MRPL3: variants seen among roughly 807,000 people sequenced by gnomAD.
The protein encoded by MRPL3 is mitochondrial ribosomal protein L3.
Under a neutral mutation model 44.3 loss-of-function variants are expected in MRPL3, and 43 were observed. That is an observed-to-expected ratio of 0.97 (90% CI 0.76 to 1.25). The LOEUF (loss-of-function observed/expected upper bound fraction) is 1.25, where lower values mean the gene tolerates loss of function less well. Among genes scored for constraint, MRPL3 ranks in the 50% most tolerant of loss-of-function variants. MRPL3 has a pLI of 0.00. For missense variants in MRPL3, 406 were observed against 427.6 expected (o/e 0.95, Z 0.45); for synonymous variants, 171 against 152.3 (o/e 1.12, Z -0.91).
intron 6 of MRPL3, among the ~76,000 whole-genome samples, chr3:131,486,891 G>A (rs1290206447): frequency 1.3e-5 from 2 of 152,184 alleles, no homozygotes; most frequent in African/African-American, 4.8e-5. Flanking sequence ...GGAAGACAGT[G>A]TGGCGATTCC....
rs955484931 is a variant in MRPL3 at position 131,479,320 on chromosome 3, G to A, written c.630-8041C>T. 1.3e-5 allele frequency: 4 copies of A among 304,850 alleles called. 1 individual carries two copies. Among genetic ancestry groups the A allele is most frequent in the South Asian group, 1.2e-4 (4 of 32,114 alleles). 18.9% of individuals were successfully genotyped at this position (304,850 alleles called of 1,614,324 possible). A position where few individuals can be genotyped will look rare whatever the true frequency, so the allele number is the denominator to read the frequency against. On this transcript the variant is annotated intron_variant, in intron 6 of 9. Transcript: ENST00000264995. ...TATCACTCAAAAAACCAGTAACTGT[G>A]TACCAAATGGAGAAAGGACACTTGA...
chr3:131,484,423 C>A (rs1378894408), intron 6 of MRPL3, among the ~76,000 whole-genome samples: 1 of 152,144 alleles, frequency 6.6e-6, no homozygotes, highest in Non-Finnish European at 1.5e-5. Flanking sequence ...ACCCACTGCT[C>A]CAGCCTATAA....
intron 6 of MRPL3, among the ~76,000 whole-genome samples, chr3:131,478,008 G>A (rs1342953233): frequency 6.6e-6 from 1 of 152,062 alleles, no homozygotes; most frequent in Non-Finnish European, 1.5e-5. Flanking sequence ...GCCTGTGCTG[G>A]CCGTATGTTT....
chr3:131,472,508 A>G (rs982890265), intron 6 of MRPL3, among the ~76,000 whole-genome samples: 2 of 152,230 alleles, frequency 1.3e-5, no homozygotes, highest in African/African-American at 4.8e-5. Flanking sequence ...TTATGCTTTC[A>G]GCTATTCCCC....
chr3:131,484,488 A>G (rs1463947129), intron 6 of MRPL3, among the ~76,000 whole-genome samples: 1 of 152,166 alleles, frequency 6.6e-6, no homozygotes, highest in Non-Finnish European at 1.5e-5. Flanking sequence ...TTGTTCCCCT[A>G]GTGTTCACCC....
intron 6 of MRPL3, among the ~76,000 whole-genome samples, chr3:131,472,472 G>A (rs999796148): frequency 2.6e-5 from 4 of 152,058 alleles, no homozygotes; most frequent in Non-Finnish European, 5.9e-5. Context: ...AAACAACAAA[G>A]GCCATATATG....
rs1212785510 is a variant in MRPL3, at chr3:131,490,051, C to T, written c.498G>A (p.Arg166=). 1 of 1,610,760 alleles carries T rather than the reference C, an allele frequency of 6.2e-7. No individual in the cohort carries two copies. The highest frequency in any genetic ancestry group is 8.5e-7 in the Non-Finnish European group (1 of 1,177,472). ...RKATSILEFY[R]ELGLPPKQTV... ...TCTGTTTCGGCGGCAATCCAAGTTC[C>T]CGGTAAAATTCCAATATGGATGTAG... is the stretch of plus-strand genomic sequence containing the variant. The change falls in exon 5 of 10, where the codon CGG becomes CGA. Residue 166 remains arginine (R), a synonymous_variant. Transcript: ENST00000264995.
chr3:131,470,103 A>G (rs924414450), intron 7 of MRPL3, among the ~76,000 whole-genome samples: 3 of 152,114 alleles, frequency 2.0e-5, no homozygotes, highest in Non-Finnish European at 4.4e-5. Flanking sequence ...AAGAAAAAAA[A>G]TGGACTGCCA....
intron 8 of MRPL3, among the ~76,000 whole-genome samples, chr3:131,469,442 T>A (rs1933692556): frequency 6.6e-6 from 1 of 151,486 alleles, no homozygotes; most frequent in South Asian, 2.1e-4. Context: ...GGTCCAAGAG[T>A]GGACTACTAA....
chr3:131,462,563 T>C lies in MRPL3; in HGVS notation c.*160A>G. ...TAATGTGGTAATTTTTCTAACAAAA[T>C]TTAATGGGGGTATGAATGATATATT... On this transcript the variant is annotated 3_prime_UTR_variant, in exon 10 of 10. Coordinates refer to ENST00000264995, the MANE Select transcript of MRPL3 (RefSeq NM_007208.4). The C allele has an allele frequency of 3.6e-6, 2 of 553,936 alleles. No homozygotes were observed. Among genetic ancestry groups the C allele is most frequent in the Non-Finnish European group, 5.6e-6 (2 of 357,642 alleles). 34.3% of individuals were successfully genotyped at this position (553,936 alleles called of 1,614,324 possible).
intron 4 of MRPL3, among the ~76,000 whole-genome samples, chr3:131,497,662 TA>T (rs930873011): frequency 1.3e-5 from 2 of 151,990 alleles, no homozygotes; most frequent in African/African-American, 4.8e-5. Context: ...AATGCTTTAT[TA>T]AAAAAAATCT....
At chr3:131,482,899 C>T (rs529890710) in intron 6 of MRPL3, among the ~76,000 whole-genome samples, 1 of 152,090 alleles carries the variant, frequency 6.6e-6, no homozygotes, top group East Asian at 1.9e-4. Flanking sequence ...TCCTTCAAGT[C>T]CTTTCAGGCA....
intron 6 of MRPL3, among the ~76,000 whole-genome samples, chr3:131,482,908 C>T (rs1355332480): frequency 6.6e-6 from 1 of 152,048 alleles, no homozygotes; most frequent in African/African-American, 2.4e-5. Context: ...TCCTTTCAGG[C>T]AGATACCTAA....
chr3:131,465,631 T>C (rs1933583613), intron 9 of MRPL3, among the ~76,000 whole-genome samples: 1 of 152,194 alleles, frequency 6.6e-6, no homozygotes, highest in African/African-American at 2.4e-5. Flanking sequence ...AAAATAATCC[T>C]TCTCCTTTAT....
At chr3:131,474,123 C>T (rs1250980531) in intron 6 of MRPL3, among the ~76,000 whole-genome samples, 1 of 152,026 alleles carries the variant, frequency 6.6e-6, no homozygotes, top group Non-Finnish European at 1.5e-5. Context: ...GCACCATTCA[C>T]AATAGCCAAG....
intron 4 of MRPL3, among the ~76,000 whole-genome samples, chr3:131,490,763 A>G (rs1382216468): frequency 6.6e-6 from 1 of 152,240 alleles, no homozygotes; most frequent in Non-Finnish European, 1.5e-5. Flanking sequence ...TGAGATGCAC[A>G]TGGAGAGCTT....
At position 131,502,021 on chromosome 3, in the gene MRPL3, T is replaced by C. The variant is rs1934510626; in HGVS notation, c.93-306A>G. 3.1e-6 allele frequency: 3 copies of C among 952,614 alleles called. No individual in the cohort carries two copies. In the African/African-American group the frequency reaches 5.0e-5, roughly 16 times the overall value. The allele number at this position is 952,614 out of a possible 1,614,324, so 59.0% of individuals were successfully genotyped here. A position where few individuals can be genotyped will look rare whatever the true frequency, so the allele number is the denominator to read the frequency against. ...GAAAAGCCACTAACCCATTTGGAAG[T>C]GTACCTTAATAGTTTTACATTCAGT... On this transcript the variant is annotated intron_variant, in intron 1 of 9. Coordinates refer to ENST00000264995, the MANE Select transcript of MRPL3 (RefSeq NM_007208.4).
At chr3:131,500,888 C>T (rs1934483328) in intron 2 of MRPL3, among the ~76,000 whole-genome samples, 2 of 152,212 alleles carry the variant, frequency 1.3e-5, no homozygotes, top group Admixed American at 1.3e-4. Context: ...ATCACTCAAA[C>T]TCTGAGAAGT....
intron 6 of MRPL3, among the ~76,000 whole-genome samples, chr3:131,475,547 T>C (rs1227181931): frequency 6.6e-6 from 1 of 152,160 alleles, no homozygotes; most frequent in Non-Finnish European, 1.5e-5. Context: ...TATCAAATCA[T>C]AGGTCAAAAG....
Sources: allele counts gnomAD v4.1 joint callset (sites outside exome capture counted in the v4.1 genomes callset), GRCh38; gene constraint gnomAD v4.1.1; transcripts MANE v1.5; gene names NCBI Gene and HGNC (gene_info 2026-07-23, HGNC 2026-07-21).